KBTBD11: variants seen among roughly 807,000 people sequenced by gnomAD.
KBTBD11 encodes kelch repeat and BTB domain-containing protein 11.
For missense variants in KBTBD11, 1,390 were observed against 1,001.8 expected (o/e 1.39, Z -5.23); for synonymous variants, 747 against 499.0 (o/e 1.50, Z -6.63).
intron 1 of KBTBD11, chr8:1,974,828 A>T (rs912956039): frequency 1.9e-5 from 7 of 365,096 alleles, no homozygotes; most frequent in Non-Finnish European, 2.7e-5. Flanking sequence ...TCCAGTGTCT[A>T]TTCTAAGGAA....
chr8:1,992,577 A>G (rs1816958506), intron 1 of KBTBD11, among the ~76,000 whole-genome samples: 1 of 152,050 alleles, frequency 6.6e-6, no homozygotes, highest in Non-Finnish European at 1.5e-5. Context: ...GCCTGTTCAT[A>G]ATAGATTTTT....
At chr8:1,980,351 G>A (rs143867921) in intron 1 of KBTBD11, among the ~76,000 whole-genome samples, 8,569 of 149,352 alleles carry the variant, frequency 0.057, 834 homozygotes, top group African/African-American at 0.2. Flanking sequence ...CTCACCCTCC[G>A]GAGTAGCTGG....
At chr8:1,982,912 C>A (rs1293818659) in intron 1 of KBTBD11, among the ~76,000 whole-genome samples, 1 of 152,068 alleles carries the variant, frequency 6.6e-6, no homozygotes, top group African/African-American at 2.4e-5. Context: ...TTTTAGTAGA[C>A]ATGGGGTATT....
chr8:1,976,536 C>G, intron 1 of KBTBD11: 1 of 152,218 alleles, frequency 6.6e-6, no homozygotes, highest in African/African-American at 2.4e-5. Context: ...TCCTTCTCTT[C>G]TGAATATTTG....
rs370100126 is a variant in KBTBD11, at chr8:1,997,007, C to T, written c.-908-3278C>T. ...GAAACTGGTCACTCCCTGTCTCCCCCGCGCGCCCCCCGTGCCTTCCATGGA... is the reference window on the plus strand; with the variant it reads ...GAAACTGGTCACTCCCTGTCTCCCCTGCGCGCCCCCCGTGCCTTCCATGGA... On this transcript the variant is annotated intron_variant, in intron 1 of 1. Coordinates refer to ENST00000320248, the MANE Select transcript of KBTBD11 (RefSeq NM_014867.3). 2.0e-3 allele frequency among the ~76,000 whole-genome samples: 302 copies of T among 152,192 alleles called. 1 individual carries two copies. Among genetic ancestry groups the T allele is most frequent in the East Asian group, 6.0e-3 (31 of 5,190 alleles).
At chr8:1,999,898 G>T (rs1244314429) in intron 1 of KBTBD11, among the ~76,000 whole-genome samples, 2 of 152,196 alleles carry the variant, frequency 1.3e-5, no homozygotes, top group Admixed American at 6.5e-5. Flanking sequence ...ACTAAAAGGA[G>T]TTCTTCATGC....
rs1316061150 is a variant in KBTBD11 at position 2,004,605 on chromosome 8, T to C, written c.*1541T>C. On this transcript the variant is annotated 3_prime_UTR_variant, in exon 2 of 2. Coordinates refer to ENST00000320248, the MANE Select transcript of KBTBD11 (RefSeq NM_014867.3). Reference sequence around the variant, plus strand: ...CTCAGTTAAGTGTGTTTAGAAGTGATCAGCTTGAACCTTATGCATGACTCG... The same window carrying C: ...CTCAGTTAAGTGTGTTTAGAAGTGACCAGCTTGAACCTTATGCATGACTCG... The C allele has an allele frequency of 6.0e-6, 1 of 167,098 alleles. No individual in the cohort carries two copies. The highest frequency in any genetic ancestry group is 2.4e-5 in the African/African-American group (1 of 41,448). The allele number at this position is 167,098 out of a possible 1,614,324, so 10.4% of individuals were successfully genotyped here. A position where few individuals can be genotyped will look rare whatever the true frequency, so the allele number is the denominator to read the frequency against.
Position 1,985,289 on chromosome 8 carries a change from G to C in KBTBD11, c.-909+11354G>C, listed in dbSNP as rs528361117. On this transcript the variant is annotated intron_variant, in intron 1 of 1. Coordinates refer to ENST00000320248, the MANE Select transcript of KBTBD11 (RefSeq NM_014867.3). ...AGGGTGAGCTGTCAGGAGCTCGTCA[G>C]AGCAAAGATCAGGGTGTGCTTTGCT... is the stretch of plus-strand genomic sequence containing the variant. 2.0e-5 allele frequency among the ~76,000 whole-genome samples: 3 copies of C among 152,382 alleles called. No homozygotes were observed. In the South Asian group the frequency reaches 6.2e-4, roughly 32 times the overall value.
chr8:1,986,025 T>G (rs990360465), intron 1 of KBTBD11, among the ~76,000 whole-genome samples: 3 of 152,258 alleles, frequency 2.0e-5, no homozygotes, highest in Non-Finnish European at 4.4e-5. Flanking sequence ...CACTCTTGTT[T>G]GACAGACCAC....
At chr8:1,980,448 A>G (rs573777121) in intron 1 of KBTBD11, among the ~76,000 whole-genome samples, 2 of 152,252 alleles carry the variant, frequency 1.3e-5, no homozygotes, top group Admixed American at 6.5e-5. Flanking sequence ...GATGGTCCCA[A>G]TCTCTTGACC....
intron 1 of KBTBD11, among the ~76,000 whole-genome samples, chr8:1,981,847 C>A (rs571838378): frequency 7.4e-4 from 113 of 152,176 alleles, no homozygotes; most frequent in Non-Finnish European, 1.3e-3. Flanking sequence ...TTATTCTATT[C>A]GCTTCCCTGG....
In KBTBD11 at chr8:2,001,122, G is replaced by A; in HGVS notation, c.-71G>A. On this transcript the variant is annotated 5_prime_UTR_variant, in exon 2 of 2. Transcript: ENST00000320248. ...TGTGAGGCTGGAAACCCCGGAGTAA[G>A]GCTCGACCTTGGCCAGACCTGCAGG... The A allele has an allele frequency of 1.6e-6, 2 of 1,269,256 alleles. No individual in the cohort carries two copies. Among genetic ancestry groups the A allele is most frequent in the Non-Finnish European group, 2.0e-6 (2 of 1,008,092 alleles). 78.6% of individuals were successfully genotyped at this position (1,269,256 alleles called of 1,614,324 possible).
At chr8:1,995,060 CAAAAAAA>C (rs5741960) in intron 1 of KBTBD11, among the ~76,000 whole-genome samples, 2 of 101,172 alleles carry the variant, frequency 2.0e-5, no homozygotes, top group African/African-American at 4.4e-5. Context: ...ACTCTTGTCT[CAAAAAAA>C]AAAAAAAAAA....
chr8:1,991,792 T>A (rs1426997755), intron 1 of KBTBD11, among the ~76,000 whole-genome samples: 1 of 151,570 alleles, frequency 6.6e-6, no homozygotes, highest in Non-Finnish European at 1.5e-5. Context: ...TAGGACGAGA[T>A]CACTGAATGG....
At chr8:1,998,237 G>T (rs1410754782) in intron 1 of KBTBD11, among the ~76,000 whole-genome samples, 1 of 152,220 alleles carries the variant, frequency 6.6e-6, no homozygotes. Context: ...TTTGGGATGA[G>T]GGCTACTCAG....
intron 1 of KBTBD11, chr8:1,974,672 T>G (rs1322992846): frequency 2.0e-6 from 2 of 985,190 alleles, no homozygotes; most frequent in Admixed American, 1.2e-4. Context: ...CCCCATGTGC[T>G]GGGGAGACCC....
intron 1 of KBTBD11, chr8:1,974,469 G>C (rs1015962579): frequency 4.1e-6 from 4 of 981,146 alleles, no homozygotes; most frequent in East Asian, 1.2e-4. Context: ...GGGATCGGCT[G>C]TCCGGAGCGA....
At position 2,003,778 on chromosome 8, in the gene KBTBD11, AT is replaced by A. The variant is rs1257543483; in HGVS notation, c.*715del. 2 of 166,992 alleles carry A rather than the reference AT, an allele frequency of 1.2e-5. No homozygotes were observed. The highest frequency in any genetic ancestry group is 3.9e-4 in the East Asian group (2 of 5,192). 10.3% of individuals were successfully genotyped at this position (166,992 alleles called of 1,614,324 possible). Reference sequence around the variant, plus strand: ...GGCTTTCATATTTTCAGTTGAAAGGATGTTAACTGATGTAGCGATGATTTAC... The same window carrying A: ...GGCTTTCATATTTTCAGTTGAAAGGAGTTAACTGATGTAGCGATGATTTAC... On this transcript the variant is annotated 3_prime_UTR_variant, in exon 2 of 2. Coordinates refer to ENST00000320248, the MANE Select transcript of KBTBD11 (RefSeq NM_014867.3).
At chr8:1,988,790 C>T (rs548364496) in intron 1 of KBTBD11, among the ~76,000 whole-genome samples, 18 of 152,020 alleles carry the variant, frequency 1.2e-4, no homozygotes, top group South Asian at 4.2e-4. Context: ...GTAGCTGGCG[C>T]GCTGTCTGGC....
Sources: gnomAD v4.1 joint callset for allele counts (sites outside exome capture counted in the v4.1 genomes callset) on GRCh38, gnomAD v4.1.1 for gene constraint, MANE v1.5 for transcripts, NCBI Gene and HGNC (gene_info 2026-07-23, HGNC 2026-07-21) for gene names.